Variants in CRTC3 observed in about 807,000 individuals in gnomAD.
CRTC3 encodes CREB regulated transcription coactivator 3.
CRTC3 carries 26 observed loss-of-function variants against 74.5 expected under a neutral mutation model. That is an observed-to-expected ratio of 0.35 (90% CI 0.26 to 0.48). The LOEUF is 0.48. Ranked by LOEUF, CRTC3 falls within the 20% of genes least tolerant of loss-of-function variation. The pLI is 0.99. For missense variants in CRTC3, 760 were observed against 787.3 expected (o/e 0.97, Z 0.41); for synonymous variants, 377 against 325.8 (o/e 1.16, Z -1.69).
rs11397268 is a variant in CRTC3, at chr15:90,588,259, C to CAA, written c.232-5364_232-5363dup. Among the ~76,000 whole-genome samples, 155 of 137,782 alleles carry CAA rather than the reference C, an allele frequency of 1.1e-3. 3 individuals are homozygous for CAA. The highest frequency in any genetic ancestry group is 0.01 in the East Asian group (48 of 4,656). 90.4% of individuals were successfully genotyped at this position (137,782 alleles called of 152,430 possible). ...TGGGTGACAGAGTGCGACTCTGTCT[C>CAA]AAAAAAAAAAAAAAGTAAGAAAAAT... On this transcript the variant is annotated intron_variant, in intron 2 of 14. Transcript: ENST00000268184.
intron 2 of CRTC3, among the ~76,000 whole-genome samples, chr15:90,562,447 T>G (rs1018133671): frequency 6.6e-6 from 1 of 152,186 alleles, no homozygotes; most frequent in African/African-American, 2.4e-5. Flanking sequence ...TTTGCTCTTA[T>G]TTTGCAAATT....
In CRTC3 at chr15:90,530,478, G is replaced by GC. The variant is rs1310854964; in HGVS notation, c.132+277dup. On this transcript the variant is annotated intron_variant, in intron 1 of 14. Transcript: ENST00000268184. This position sits in a 1 kb window ranked among gnomAD's most constrained non-coding sequence, Gnocchi z 6.2. ...GGGGTGAAGCCCGTGGAGGCGGGCGGCCGTGCGAGGGCGGCCTGAGGGGGA... is the reference window on the plus strand; with the variant it reads ...GGGGTGAAGCCCGTGGAGGCGGGCGGCCCGTGCGAGGGCGGCCTGAGGGGGA... The GC allele has an allele frequency of 2.0e-5, 3 of 153,060 alleles. No individual in the cohort carries two copies. The Admixed American group carries it at 2.0e-4, about 10-fold the overall frequency. 9.5% of individuals were successfully genotyped at this position (153,060 alleles called of 1,614,324 possible). A position where few individuals can be genotyped will look rare whatever the true frequency, so the allele number is the denominator to read the frequency against.
chr15:90,631,589 A>T (rs954363670), intron 11 of CRTC3, among the ~76,000 whole-genome samples: 1 of 151,764 alleles, frequency 6.6e-6, no homozygotes, highest in Admixed American at 6.6e-5. Context: ...TTAACCGGGC[A>T]TGGTGGCACA....
chr15:90,536,526 C>T (rs1474243166), intron 1 of CRTC3, among the ~76,000 whole-genome samples: 6 of 151,594 alleles, frequency 4.0e-5, no homozygotes, highest in African/African-American at 7.3e-5. Context: ...TATTCTAGGT[C>T]ATTTGCACAT....
chr15:90,631,307 C>T (rs1456505489), intron 11 of CRTC3, among the ~76,000 whole-genome samples: 3 of 152,176 alleles, frequency 2.0e-5, no homozygotes, highest in Non-Finnish European at 4.4e-5. Context: ...ATGGCACGAT[C>T]GCGGCTCCCT....
intron 2 of CRTC3, among the ~76,000 whole-genome samples, chr15:90,572,872 C>T (rs972468486): frequency 3.3e-5 from 5 of 151,946 alleles, no homozygotes; most frequent in Non-Finnish European, 2.9e-5. Context: ...CACCATGCCC[C>T]GCCAATATAT....
At chr15:90,629,815 C>T (rs187836102) in intron 11 of CRTC3, among the ~76,000 whole-genome samples, 28 of 152,260 alleles carry the variant, frequency 1.8e-4, no homozygotes, top group Admixed American at 1.2e-3. Context: ...CCTCACCTCC[C>T]GGGCTCAAGC....
At chr15:90,614,633 C>T in intron 7 of CRTC3, 145 bp downstream of exon 7, 1 of 565,984 alleles carries the variant, frequency 1.8e-6, no homozygotes, top group Non-Finnish European at 3.1e-6. Context: ...TTCAGAGAGC[C>T]TCTAGAAAAT....
At chr15:90,597,198 C>T (rs1177548847) in intron 3 of CRTC3, among the ~76,000 whole-genome samples, 2 of 152,272 alleles carry the variant, frequency 1.3e-5, no homozygotes, top group Non-Finnish European at 2.9e-5. Flanking sequence ...AAGAGAAGCT[C>T]TTCTGCCCTT....
At chr15:90,534,340 C>G (rs1295437907) in intron 1 of CRTC3, among the ~76,000 whole-genome samples, 1 of 152,066 alleles carries the variant, frequency 6.6e-6, no homozygotes, top group Non-Finnish European at 1.5e-5. Context: ...GCCTGTGAGG[C>G]ACATAAGTAG....
chr15:90,574,494 A>G (rs1222803274), intron 2 of CRTC3, among the ~76,000 whole-genome samples: 1 of 152,138 alleles, frequency 6.6e-6, no homozygotes, highest in African/African-American at 2.4e-5. Flanking sequence ...AACAAAACAA[A>G]AAAACTATGC....
intron 5 of CRTC3, among the ~76,000 whole-genome samples, chr15:90,606,431 G>A (rs576402722): frequency 1.4e-4 from 22 of 152,018 alleles, no homozygotes; most frequent in Admixed American, 3.3e-4. Context: ...GCATGGTGAC[G>A]CACGTCTATA....
At chr15:90,615,806 C>G (rs982920700) in intron 7 of CRTC3, among the ~76,000 whole-genome samples, 1 of 152,102 alleles carries the variant, frequency 6.6e-6, no homozygotes, top group Admixed American at 6.6e-5. Flanking sequence ...CAAACTTTTC[C>G]CAGCATTTGA....
intron 3 of CRTC3, among the ~76,000 whole-genome samples, chr15:90,601,052 G>A (rs768537220): frequency 3.9e-5 from 6 of 152,210 alleles, no homozygotes; most frequent in Admixed American, 3.3e-4. Context: ...CAATTACTAA[G>A]CCAGTAAGTT....
At chr15:90,604,549 GTGT>G in intron 5 of CRTC3, 102 bp downstream of exon 5, 2 of 898,802 alleles carry the variant, frequency 2.2e-6, no homozygotes, top group Non-Finnish European at 3.7e-6. Flanking sequence ...TATGTAAGCT[GTGT>G]TGATATGACA....
At chr15:90,563,596 T>A (rs895821762) in intron 2 of CRTC3, among the ~76,000 whole-genome samples, 1 of 152,206 alleles carries the variant, frequency 6.6e-6, no homozygotes, top group Non-Finnish European at 1.5e-5. Flanking sequence ...CATCTTTCTG[T>A]ATTGCACTAC....
intron 2 of CRTC3, among the ~76,000 whole-genome samples, chr15:90,562,432 G>A (rs1211420108): frequency 3.3e-5 from 5 of 152,062 alleles, no homozygotes; most frequent in African/African-American, 9.7e-5. Context: ...TATCTTTCTC[G>A]GGCCTTTGCT....
chr15:90,606,997 A>G (rs1968239490), intron 5 of CRTC3: 1 of 161,252 alleles, frequency 6.2e-6, no homozygotes, highest in African/African-American at 2.4e-5. Context: ...TTTACTTAGA[A>G]ACAGCTACTC....
rs552775820 is a variant in CRTC3 at position 90,542,663 on chromosome 15, T to C, written c.231+2526T>C. ...TGATCTTCAGACTGCATTCACCAAA[T>C]GTCCCCCTGCTGTCCTCTGTAGCAA... On this transcript the variant is annotated intron_variant, in intron 2 of 14. Transcript: ENST00000268184. 8.5e-5 allele frequency among the ~76,000 whole-genome samples: 13 copies of C among 152,358 alleles called. No homozygotes were observed. In the South Asian group the frequency reaches 2.7e-3, roughly 32 times the overall value.
Sources: allele counts gnomAD v4.1 joint callset (sites outside exome capture counted in the v4.1 genomes callset), GRCh38; gene constraint gnomAD v4.1.1; non-coding constraint Gnocchi (gnomAD v3.1); transcripts MANE v1.5; gene names NCBI Gene and HGNC (gene_info 2026-07-23, HGNC 2026-07-21).